Variants in HIRA observed in about 807,000 individuals in gnomAD.
HIRA encodes protein HIRA.
In HIRA, 13 loss-of-function variants were observed where a neutral mutation model predicts 126.6. The ratio of observed to expected loss-of-function variants is 0.10; its 90% confidence interval spans 0.07 to 0.16. The LOEUF is 0.16. Among genes scored for constraint, HIRA ranks in the 10% least tolerant of loss-of-function variants. The pLI, the probability that HIRA is intolerant of heterozygous loss-of-function variation, is 1.00. For missense variants in HIRA, 834 were observed against 1,314.4 expected, an observed-to-expected ratio of 0.63 and a Z score of 5.65; for synonymous variants, 511 against 520.0, an observed-to-expected ratio of 0.98 and a Z score of 0.24.
At chr22:19,349,628 T>C (rs1044408388) in intron 24 of HIRA, among the ~76,000 whole-genome samples, 7 of 152,184 alleles carry the variant, frequency 4.6e-5, no homozygotes, top group African/African-American at 1.7e-4. Context: ...GCAATAACAC[T>C]GGATGCAAAG....
intron 15 of HIRA, among the ~76,000 whole-genome samples, chr22:19,369,865 G>A (rs888227653): frequency 6.6e-6 from 1 of 152,144 alleles, no homozygotes; most frequent in African/African-American, 2.4e-5. Context: ...GGAGACAGAG[G>A]TTGCAGTAAG....
intron 5 of HIRA, among the ~76,000 whole-genome samples, chr22:19,400,723 C>T (rs922833359): frequency 6.6e-6 from 1 of 152,184 alleles, no homozygotes; most frequent in Non-Finnish European, 1.5e-5. Context: ...TTCTCACCAT[C>T]ATTCTTGGTG....
At chr22:19,413,043 T>C (rs767686957) in intron 1 of HIRA, among the ~76,000 whole-genome samples, 1 of 152,132 alleles carries the variant, frequency 6.6e-6, no homozygotes, top group Non-Finnish European at 1.5e-5. Flanking sequence ...GAGAGGGTTT[T>C]CAGGCTGAGG....
intron 12 of HIRA, among the ~76,000 whole-genome samples, chr22:19,385,054 TGGA>T (rs2089113685): frequency 6.6e-6 from 1 of 152,174 alleles, no homozygotes; most frequent in Non-Finnish European, 1.5e-5. Flanking sequence ...CTGAATTGCC[TGGA>T]GGAGGTTTGT....
intron 1 of HIRA, among the ~76,000 whole-genome samples, chr22:19,427,127 A>G (rs2089494540): frequency 6.6e-6 from 1 of 152,206 alleles, no homozygotes; most frequent in African/African-American, 2.4e-5. Context: ...GGGGCTAGAT[A>G]ATTCTCCATG....
At chr22:19,357,847 CA>C in intron 18 of HIRA, among the ~76,000 whole-genome samples, 1 of 152,318 alleles carries the variant, frequency 6.6e-6, no homozygotes, top group African/African-American at 2.4e-5. Context: ...GGAGCTCTGC[CA>C]ACTGCCTTCC....
intron 18 of HIRA, among the ~76,000 whole-genome samples, chr22:19,359,075 A>G (rs1233855749): frequency 6.6e-6 from 1 of 152,220 alleles, no homozygotes; most frequent in Non-Finnish European, 1.5e-5. Flanking sequence ...TCAGGCCATC[A>G]GGTTCAAAGC....
intron 18 of HIRA, among the ~76,000 whole-genome samples, chr22:19,359,036 G>A (rs1036756852): frequency 6.6e-6 from 1 of 152,206 alleles, no homozygotes; most frequent in African/African-American, 2.4e-5. Flanking sequence ...TGGAATTCGA[G>A]ACTTTGGGGA....
chr22:19,361,403 G>C, intron 16 of HIRA, 62 bp from the exon 17 acceptor site: 2 of 1,432,516 alleles, frequency 1.4e-6, no homozygotes, highest in Non-Finnish European at 2.0e-6. Context: ...ATTTGGTAAA[G>C]GCAGGTCACC....
intron 15 of HIRA, 78 bp from the exon 16 acceptor site, chr22:19,362,009 C>T: frequency 1.4e-6 from 2 of 1,390,870 alleles, no homozygotes; most frequent in Admixed American, 1.9e-5. Flanking sequence ...ATTTAAAGTG[C>T]TTAAACAAAC....
At chr22:19,420,534 G>C (rs890109908) in intron 1 of HIRA, among the ~76,000 whole-genome samples, 6 of 145,276 alleles carry the variant, frequency 4.1e-5, no homozygotes, top group Non-Finnish European at 9.0e-5. Flanking sequence ...AAACAAAAAA[G>C]TTTTGACGAA....
intron 15 of HIRA, chr22:19,366,040 TC>T (rs2146201854): frequency 6.6e-6 from 1 of 152,110 alleles, no homozygotes; most frequent in South Asian, 2.1e-4. Context: ...CAAGACACTA[TC>T]TCTTAAATAA....
Position 19,388,562 on chromosome 22 carries a change from G to T in HIRA, c.937-8C>A. ...CCGTTTCAGACATGTGAGCTGGAAG[G>T]AAAGACACAGTCAAGGTTAATGAAA... On this transcript the variant is annotated splice_polypyrimidine_tract_variant and splice_region_variant and intron_variant, in intron 9 of 24. Coordinates refer to ENST00000263208, the MANE Select transcript of HIRA (RefSeq NM_003325.4). 6.2e-7 allele frequency: 1 copy of T among 1,608,874 alleles called. No homozygotes were observed. Among genetic ancestry groups the T allele is most frequent in the South Asian group, 1.1e-5 (1 of 90,968 alleles).
intron 1 of HIRA, among the ~76,000 whole-genome samples, chr22:19,427,285 G>A (rs2089495879): frequency 2.0e-5 from 3 of 152,162 alleles, no homozygotes; most frequent in Non-Finnish European, 4.4e-5. Context: ...TAAAGCAACT[G>A]CCATGTTTAT....
At chr22:19,365,481 A>C (rs112684184) in intron 15 of HIRA, among the ~76,000 whole-genome samples, 6,006 of 152,308 alleles carry the variant, frequency 0.039, 139 homozygotes, top group African/African-American at 0.058. Flanking sequence ...TAGGGCCCTT[A>C]AGAATTATTC....
intron 14 of HIRA, among the ~76,000 whole-genome samples, chr22:19,376,678 TC>T (rs1459633226): frequency 1.3e-5 from 2 of 151,926 alleles, no homozygotes; most frequent in South Asian, 2.1e-4. Flanking sequence ...CCTCTCAGGG[TC>T]CCCCCAGGGC....
intron 1 of HIRA, among the ~76,000 whole-genome samples, chr22:19,427,345 C>A (rs768323446): frequency 5.3e-5 from 8 of 152,238 alleles, no homozygotes; most frequent in Admixed American, 1.3e-4. Context: ...CCTTTCCCTG[C>A]CAATTCTCAG....
chr22:19,380,259 T>G (rs907826035), intron 13 of HIRA, among the ~76,000 whole-genome samples: 3 of 152,212 alleles, frequency 2.0e-5, no homozygotes, highest in African/African-American at 7.2e-5. Flanking sequence ...AATAACAATT[T>G]AAAAAGAAAC....
Position 19,378,023 on chromosome 22 carries a change from A to G in HIRA, c.1459T>C (p.Ser487Pro). 6.2e-7 allele frequency: 1 copy of G among 1,603,950 alleles called. No individual in the cohort carries two copies. Among genetic ancestry groups the G allele is most frequent in the Non-Finnish European group, 8.5e-7 (1 of 1,174,484 alleles). The change falls in exon 14 of 25, where the codon TCC (serine) becomes CCC (proline). Residue 487 changes from serine to proline, a missense_variant. This residue lies in a region of HIRA where 468 missense variants were observed against 574.2 expected (regional missense o/e 0.82). Coordinates refer to ENST00000263208, the MANE Select transcript of HIRA (RefSeq NM_003325.4). Reference sequence around the variant, plus strand: ...GAAGAGAGCATGGTGCCCGCCAGGGAGCCCGAGAGGGGGATGCTGTTAAAG... The same window carrying G: ...GAAGAGAGCATGGTGCCCGCCAGGGGGCCCGAGAGGGGGATGCTGTTAAAG... Reference protein sequence around the residue: ...AFFNSIPLSGSLAGTMLSSHS... With the variant: ...AFFNSIPLSGPLAGTMLSSHS...
Sources: gnomAD v4.1 joint callset for allele counts (sites outside exome capture counted in the v4.1 genomes callset) on GRCh38, gnomAD v4.1.1 for gene constraint, gnomAD v4.1.1 regional missense constraint, MANE v1.5 for transcripts, NCBI Gene and HGNC (gene_info 2026-07-23, HGNC 2026-07-21) for gene names.